Variants in MICAL3 observed in about 807,000 individuals in gnomAD.
MICAL3 encodes the protein microtubule associated monooxygenase, calponin and LIM domain containing 3.
Under a neutral mutation model 207.4 loss-of-function variants are expected in MICAL3, and 62 were observed. The ratio of observed to expected loss-of-function variants is 0.30; its 90% CI spans 0.24 to 0.37. The LOEUF is 0.37. MICAL3 is among the 10% of genes least tolerant of loss of function. The pLI is 1.00. For missense variants in MICAL3, 2,368 were observed against 2,635.6 expected (o/e 0.90, Z 2.22); for synonymous variants, 1,077 against 1,069.3 (o/e 1.01, Z -0.14).
At chr22:17,950,635 C>T (rs565588527) in intron 1 of MICAL3, among the ~76,000 whole-genome samples, 2 of 152,332 alleles carry the variant, frequency 1.3e-5, no homozygotes, top group African/African-American at 4.8e-5. Flanking sequence ...CTGCGCCCGG[C>T]CAGCTGTCCA....
At position 17,895,536 on chromosome 22, in the gene MICAL3, A is replaced by C. The variant is rs1046374123; in HGVS notation, c.1323-126T>G. 1.8e-5 allele frequency: 19 copies of C among 1,059,184 alleles called. 1 individual carries two copies. In the South Asian group the frequency reaches 2.9e-4, roughly 16 times the overall value. 65.6% of individuals were successfully genotyped at this position (1,059,184 alleles called of 1,614,324 possible). A position where few individuals can be genotyped will look rare whatever the true frequency, so the allele number is the denominator to read the frequency against. On this transcript the variant is annotated intron_variant, in intron 9 of 31. Coordinates refer to ENST00000441493, the MANE Select transcript of MICAL3 (RefSeq NM_015241.3). ...GCCTGACAAATCCTCATCCTTGACCAGTCTTCTTGAGTCCTACGTCAGCCC... is the reference window on the plus strand; with the variant it reads ...GCCTGACAAATCCTCATCCTTGACCCGTCTTCTTGAGTCCTACGTCAGCCC...
chr22:17,989,295 C>A (rs1291115904), intron 1 of MICAL3, among the ~76,000 whole-genome samples: 1 of 152,152 alleles, frequency 6.6e-6, no homozygotes, highest in Non-Finnish European at 1.5e-5. Flanking sequence ...CAGGGCAAGG[C>A]TCTGGGAATG....
rs976283535 is a variant in MICAL3 at position 17,826,025 on chromosome 22, A to G, written c.3193+1619T>C. Among the ~76,000 whole-genome samples, 12 of 152,034 alleles carry G rather than the reference A, an allele frequency of 7.9e-5. No individual in the cohort carries two copies. The East Asian group carries it at 2.3e-3, about 29-fold the overall frequency. On this transcript the variant is annotated intron_variant, in intron 22 of 31. Coordinates refer to ENST00000441493, the MANE Select transcript of MICAL3 (RefSeq NM_015241.3). ...CCTCTGCTCTTCCCTCTCCACCATC[A>G]TCCTCCCATAAACCCCCTGGTTTTG...
chr22:17,876,896 G>GAA (rs1569109376), intron 16 of MICAL3: 5 of 134,580 alleles, frequency 3.7e-5, no homozygotes, highest in East Asian at 2.1e-4. Context: ...AGGTTATGGA[G>GAA]GTTAGGGAGG....
At chr22:17,976,028 G>A (rs550865762) in intron 1 of MICAL3, among the ~76,000 whole-genome samples, 6 of 149,356 alleles carry the variant, frequency 4.0e-5, no homozygotes, top group East Asian at 1.9e-4. Context: ...CAGCCTGGGC[G>A]ACAGAGCCAG....
At chr22:17,811,653 C>G (rs1340629728) in intron 27 of MICAL3, among the ~76,000 whole-genome samples, 2 of 152,238 alleles carry the variant, frequency 1.3e-5, no homozygotes, top group South Asian at 2.1e-4. Flanking sequence ...ATGCTTTGAA[C>G]AAACCATGGG....
At position 17,902,495 on chromosome 22, in the gene MICAL3, G is replaced by A; in HGVS notation, c.589+136C>T. 1.7e-6 allele frequency: 1 copy of A among 571,924 alleles called. No individual in the cohort carries two copies. Among genetic ancestry groups the A allele is most frequent in the Non-Finnish European group, 3.1e-6 (1 of 319,786 alleles). The allele number at this position is 571,924 out of a possible 1,614,324, so 35.4% of individuals were successfully genotyped here. A position where few individuals can be genotyped will look rare whatever the true frequency, so the allele number is the denominator to read the frequency against. ...CTGCGACATCTAAGGCTGCATCCAG[G>A]CCAAGTCCCCAAAGGCACAGGCTTT... On this transcript the variant is annotated intron_variant, in intron 4 of 31. Transcript: ENST00000441493. The surrounding 1 kb of genome is among the most constrained non-coding windows in gnomAD (Gnocchi z 4.5).
chr22:17,914,354 C>T (rs5747408), intron 1 of MICAL3, among the ~76,000 whole-genome samples: 47,903 of 151,874 alleles, frequency 0.32, 8,470 homozygotes, highest in East Asian at 0.55. Context: ...GATACTGAGT[C>T]GTTACTACTC....
At chr22:17,901,052 A>T (rs1432448155) in intron 5 of MICAL3, 55 bp from the exon 6 acceptor site, 1 of 1,568,358 alleles carries the variant, frequency 6.4e-7, no homozygotes, top group East Asian at 2.2e-5. Context: ...AAGGAAGATC[A>T]CTTCAGATAA....
intron 1 of MICAL3, among the ~76,000 whole-genome samples, chr22:17,988,953 A>G (rs1289282243): frequency 6.6e-6 from 1 of 152,168 alleles, no homozygotes; most frequent in African/African-American, 2.4e-5. Context: ...GAGTCCAACC[A>G]GCTCATGGAA....
chr22:17,971,540 C>A (rs997146307), intron 1 of MICAL3, among the ~76,000 whole-genome samples: 2 of 152,170 alleles, frequency 1.3e-5, no homozygotes, highest in Admixed American at 6.5e-5. Flanking sequence ...ATCTAGCATT[C>A]ATCTAGCATT....
At chr22:17,873,512 G>A (rs1204351484) in intron 16 of MICAL3, among the ~76,000 whole-genome samples, 3 of 152,238 alleles carry the variant, frequency 2.0e-5, no homozygotes, top group Admixed American at 1.3e-4. Flanking sequence ...GATGAGGCCC[G>A]TGTGGCCCAT....
chr22:17,801,640 TC>T (rs1178468558), intron 29 of MICAL3, among the ~76,000 whole-genome samples: 24 of 150,380 alleles, frequency 1.6e-4, no homozygotes, highest in Non-Finnish European at 2.2e-4. Context: ...AGGCCTGTAA[TC>T]CCAGCACTTT....
At chr22:17,955,986 C>T (rs12166570) in intron 1 of MICAL3, among the ~76,000 whole-genome samples, 7,172 of 152,278 alleles carry the variant, frequency 0.047, 296 homozygotes, top group African/African-American at 0.11. Context: ...GACCATTAAA[C>T]GGTGTTTATG....
At chr22:17,912,030 C>T (rs1056059450) in intron 1 of MICAL3, among the ~76,000 whole-genome samples, 9 of 151,878 alleles carry the variant, frequency 5.9e-5, no homozygotes, top group South Asian at 2.1e-4. Context: ...ATAATTTGAC[C>T]GTAAGTGAGG....
rs1875521652 is a variant in MICAL3 at position 17,831,882 on chromosome 22, A to G, written c.3027T>C (p.Tyr1009=). 3 of 1,553,564 alleles carry G rather than the reference A, an allele frequency of 1.9e-6. No individual in the cohort carries two copies. The highest frequency in any genetic ancestry group is 2.6e-6 in the Non-Finnish European group (3 of 1,148,236). Residue 1009 remains tyrosine, a synonymous_variant, in exon 21 of 32, where the codon TAT becomes TAC. Transcript: ENST00000441493. ...CACTGGACTCTTCCTCCTCCTCGTC[A>G]TAGTCCTCCTCCTCCTCCTCTTCAT... ...EEYEEEEEED[Y]DEEEEESSEA...
chr22:17,945,306 G>A (rs548699904), intron 1 of MICAL3, among the ~76,000 whole-genome samples: 3 of 152,182 alleles, frequency 2.0e-5, no homozygotes, highest in South Asian at 2.1e-4. Context: ...CTTCACCCTC[G>A]TCCACTAATG....
intron 1 of MICAL3, among the ~76,000 whole-genome samples, chr22:17,966,085 TG>T (rs1353812202): frequency 6.6e-6 from 1 of 152,250 alleles, no homozygotes; most frequent in Non-Finnish European, 1.5e-5. Context: ...ATGCAGGATC[TG>T]CCATCTGCTG....
rs1390172932 is a variant in MICAL3 at position 17,810,292 on chromosome 22, T to C, written c.5556+411A>G. Among the ~76,000 whole-genome samples the C allele has an allele frequency of 3.9e-5, 6 of 152,256 alleles. No individual in the cohort carries two copies. The South Asian group carries it at 6.2e-4, about 16-fold the overall frequency. On this transcript the variant is annotated intron_variant, in intron 28 of 31. Transcript: ENST00000441493. ...GTTAGCCAGGATGGTCTCAATCTCCTGACCTTGTGATCCGCCCGCCTTGGC... is the reference window on the plus strand; with the variant it reads ...GTTAGCCAGGATGGTCTCAATCTCCCGACCTTGTGATCCGCCCGCCTTGGC...
Sources: gnomAD v4.1 joint callset for allele counts (sites outside exome capture counted in the v4.1 genomes callset) on GRCh38, gnomAD v4.1.1 for gene constraint, Gnocchi (gnomAD v3.1) non-coding constraint, MANE v1.5 for transcripts, NCBI Gene and HGNC (gene_info 2026-07-23, HGNC 2026-07-21) for gene names.